The following GTF2E2 variants were observed in gnomAD, a reference collection of about 807,000 sequenced individuals.
GTF2E2 encodes the protein general transcription factor IIE subunit 2, also known as transcription initiation factor IIE subunit beta.
A neutral mutation model predicts 40.5 loss-of-function variants in GTF2E2; 21 were observed. The ratio of observed to expected loss-of-function variants is 0.52; its 90% CI spans 0.37 to 0.75. The LOEUF (loss-of-function observed/expected upper bound fraction) is 0.75, where lower values mean the gene tolerates loss of function less well. Among genes scored for constraint, GTF2E2 ranks in the 30% least tolerant of loss-of-function variants. The pLI is 0.00. For synonymous variants in GTF2E2, 117 were observed against 121.6 expected (o/e 0.96, Z 0.25); for missense variants, 298 against 338.4 (o/e 0.88, Z 0.94).
chr8:30,585,517 ACAC>A (rs532193327), intron 6 of GTF2E2, among the ~76,000 whole-genome samples: 3 of 152,176 alleles, frequency 2.0e-5, no homozygotes, highest in Non-Finnish European at 4.4e-5. Flanking sequence ...TGGAAAATAC[ACAC>A]CAATAGGTAT....
chr8:30,644,517 G>C (rs1801989066), intron 2 of GTF2E2: 3 of 152,064 alleles, frequency 2.0e-5, no homozygotes, highest in African/African-American at 4.8e-5. Flanking sequence ...CAGATCACCT[G>C]TCATCGAAGT....
intron 6 of GTF2E2, among the ~76,000 whole-genome samples, chr8:30,593,366 G>A (rs1380232579): frequency 1.3e-5 from 2 of 152,190 alleles, no homozygotes; most frequent in African/African-American, 4.8e-5. Flanking sequence ...TCTAACTGTG[G>A]ATGTATGTAT....
intron 1 of GTF2E2, among the ~76,000 whole-genome samples, chr8:30,654,964 G>A (rs1802407697): frequency 6.6e-6 from 1 of 152,160 alleles, no homozygotes; most frequent in African/African-American, 2.4e-5. Flanking sequence ...CAGAGAGCCG[G>A]GCACAGTGGC....
intron 2 of GTF2E2, 28 bp downstream of exon 2, chr8:30,653,405 C>A: frequency 6.3e-7 from 1 of 1,576,684 alleles, no homozygotes; most frequent in Non-Finnish European, 8.7e-7. Flanking sequence ...TGAATAAAAA[C>A]CAAACAGTCC....
Position 30,607,142 on chromosome 8 carries a change from C to A in GTF2E2, c.558G>T (p.Gly186=). 2 of 1,340,114 alleles carry A rather than the reference C, an allele frequency of 1.5e-6. No homozygotes were observed. The highest frequency in any genetic ancestry group is 2.1e-6 in the Non-Finnish European group (2 of 953,274). The allele number at this position is 1,340,114 out of a possible 1,614,324, so 83.0% of individuals were successfully genotyped here. The change falls in exon 6 of 8, where the codon GGG becomes GGT. Residue 186 remains glycine, a synonymous_variant. Coordinates refer to ENST00000355904, the MANE Select transcript of GTF2E2 (RefSeq NM_002095.6). The stretch of plus-strand genomic sequence containing the variant: ...GACGATTTACAAATAGTATCTGGTC[C>A]CCCAAAGCCTTAAAGATAGATAAAA... ...PNSQKAVKAL[G]DQILFVNRPD... is the part of the protein sequence containing the mutation.
chr8:30,618,250 T>C (rs1800982072), intron 3 of GTF2E2, among the ~76,000 whole-genome samples: 1 of 81,210 alleles, frequency 1.2e-5, no homozygotes, highest in Admixed American at 1.5e-4. Flanking sequence ...TGAGCCGAGG[T>C]TGCACTATTG....
chr8:30,601,590 G>A (rs931342540), intron 6 of GTF2E2, among the ~76,000 whole-genome samples: 4 of 152,070 alleles, frequency 2.6e-5, no homozygotes, highest in Admixed American at 6.5e-5. Flanking sequence ...TGCCAAGGTC[G>A]AAAGCCCTGC....
At chr8:30,637,479 C>G (rs1012824948) in intron 2 of GTF2E2, among the ~76,000 whole-genome samples, 2 of 151,974 alleles carry the variant, frequency 1.3e-5, no homozygotes, top group Admixed American at 1.3e-4. Flanking sequence ...CCTTTATGGC[C>G]CCAGAAACTA....
chr8:30,653,311 T>C, intron 2 of GTF2E2, 122 bp downstream of exon 2: 1 of 704,984 alleles, frequency 1.4e-6, no homozygotes, highest in South Asian at 1.8e-5. Flanking sequence ...TCCCATCCTT[T>C]ATATTCAACA....
intron 3 of GTF2E2, among the ~76,000 whole-genome samples, chr8:30,634,457 A>C (rs187097022): frequency 8.6e-4 from 131 of 152,234 alleles, no homozygotes; most frequent in African/African-American, 3.0e-3. Flanking sequence ...AAAAAAAAGA[A>C]AAGGGAAAAA....
chr8:30,643,715 C>T (rs12676308), intron 2 of GTF2E2: 62,168 of 148,908 alleles, frequency 0.42, 13,086 homozygotes, highest in South Asian at 0.57. Context: ...TCAGATCATA[C>T]AAATCTCTCA....
At chr8:30,608,579 A>G (rs1829387341) in intron 5 of GTF2E2, among the ~76,000 whole-genome samples, 1 of 152,242 alleles carries the variant, frequency 6.6e-6, no homozygotes, top group East Asian at 1.9e-4. Flanking sequence ...TCAAGGTGGT[A>G]AAAGGTGATA....
At chr8:30,633,322 T>C (rs1801495368) in intron 3 of GTF2E2, among the ~76,000 whole-genome samples, 1 of 152,104 alleles carries the variant, frequency 6.6e-6, no homozygotes. Flanking sequence ...GAAAAAATAA[T>C]TAAAATTCCC....
chr8:30,587,884 A>AAAC (rs1554552163), intron 6 of GTF2E2, among the ~76,000 whole-genome samples: 1 of 151,382 alleles, frequency 6.6e-6, no homozygotes, highest in African/African-American at 2.4e-5. Flanking sequence ...AAAAAAAAAA[A>AAAC]AAAAAAAAAC....
At chr8:30,614,814 G>A in intron 3 of GTF2E2, 99 bp from the exon 4 acceptor site, 3 of 676,662 alleles carry the variant, frequency 4.4e-6, no homozygotes, top group Admixed American at 5.2e-5. Flanking sequence ...TGAAAAACAT[G>A]TATTATTCCA....
chr8:30,637,097 G>A (rs889737928), intron 2 of GTF2E2: 3 of 403,812 alleles, frequency 7.4e-6, no homozygotes, highest in African/African-American at 6.3e-5. Context: ...GTAGTAAGCA[G>A]CAGAGTATAG....
At chr8:30,629,953 A>G (rs1027183733) in intron 3 of GTF2E2, among the ~76,000 whole-genome samples, 3 of 152,302 alleles carry the variant, frequency 2.0e-5, no homozygotes, top group African/African-American at 7.2e-5. Context: ...AATAAAGTAC[A>G]CACTTAATTT....
rs966819022 is a variant in GTF2E2 at position 30,578,742 on chromosome 8, A to G, written c.*179T>C. 1.9e-6 allele frequency: 1 copy of G among 532,802 alleles called. No homozygotes were observed. The highest frequency in any genetic ancestry group is 2.2e-5 in the South Asian group (1 of 45,778). The allele number at this position is 532,802 out of a possible 1,614,324, so 33.0% of individuals were successfully genotyped here. A position where few individuals can be genotyped will look rare whatever the true frequency, so the allele number is the denominator to read the frequency against. ...GTTAACAGGGAACATCACATTGCCC[A>G]TGAGCCCATTCTACTCAAATAAGCT... On this transcript the variant is annotated 3_prime_UTR_variant, in exon 8 of 8. Coordinates refer to ENST00000355904, the MANE Select transcript of GTF2E2 (RefSeq NM_002095.6).
chr8:30,587,492 T>G (rs1828716497), intron 6 of GTF2E2, among the ~76,000 whole-genome samples: 1 of 151,262 alleles, frequency 6.6e-6, no homozygotes, highest in African/African-American at 2.4e-5. Flanking sequence ...AATAACCTGA[T>G]TTAAAAATTG....
Sources: gnomAD v4.1 joint callset for allele counts (sites outside exome capture counted in the v4.1 genomes callset) on GRCh38, gnomAD v4.1.1 for gene constraint, MANE v1.5 for transcripts, NCBI Gene and HGNC (gene_info 2026-07-23, HGNC 2026-07-21) for gene names.